MEPE: variants seen among roughly 807,000 people sequenced by gnomAD.
MEPE encodes the protein matrix extracellular phosphoglycoprotein.
A neutral mutation model predicts 7.3 loss-of-function variants in MEPE; 7 were observed. The ratio of observed to expected loss-of-function variants is 0.95; its 90% CI spans 0.54 to 1.79. The LOEUF (loss-of-function observed/expected upper bound fraction) is 1.79. Ranked by LOEUF, MEPE falls within the 40% of genes most tolerant of loss-of-function variation. MEPE has a pLI of 0.00. For synonymous variants in MEPE, 214 were observed against 213.1 expected (o/e 1.00, Z -0.04); for missense variants, 623 against 628.2 (o/e 0.99, Z 0.09).
intron 3 of MEPE, chr4:87,839,548 A>G (rs1722930010): frequency 1.6e-6 from 1 of 635,758 alleles, no homozygotes; most frequent in East Asian, 2.7e-5. Flanking sequence ...TCCTGTGGTT[A>G]TAAGAAGTAC....
Position 87,845,613 on chromosome 4 carries a change from G to T in MEPE, c.745G>T (p.Asp249Tyr). 1 of 1,613,754 alleles carries T rather than the reference G, an allele frequency of 6.2e-7. No individual in the cohort carries two copies. Among genetic ancestry groups the T allele is most frequent in the South Asian group, 1.1e-5 (1 of 90,960 alleles). The change falls in exon 4 of 4, where the codon GAC (aspartate) becomes TAC (tyrosine). Residue 249 changes from aspartate to tyrosine, a missense_variant. Asp to Tyr is a radical substitution (Grantham distance 160). Coordinates refer to ENST00000361056, the MANE Select transcript of MEPE (RefSeq NM_020203.6). ...SGYTDLQERG[D>Y]NDISPFSGDG... ...TTATACAGATCTTCAAGAGAGAGGGGACAATGATATATCTCCTTTCAGTGG... is the reference window on the plus strand; with the variant it reads ...TTATACAGATCTTCAAGAGAGAGGGTACAATGATATATCTCCTTTCAGTGG...
intron 2 of MEPE, among the ~76,000 whole-genome samples, chr4:87,836,161 AT>A (rs1280261366): frequency 6.6e-6 from 1 of 152,108 alleles, no homozygotes; most frequent in Non-Finnish European, 1.5e-5. Context: ...CATTTTAGTA[AT>A]TACCTGAATT....
At chr4:87,833,447 T>C (rs976089002) in intron 1 of MEPE, among the ~76,000 whole-genome samples, 41 of 152,330 alleles carry the variant, frequency 2.7e-4, no homozygotes, top group Admixed American at 2.6e-3. Flanking sequence ...GGGTAAACTA[T>C]AGTTAGAATT....
chr4:87,830,903 T>C (rs756360460), upstream of MEPE, among the ~76,000 whole-genome samples: 10 of 152,028 alleles, frequency 6.6e-5, no homozygotes, highest in Non-Finnish European at 1.2e-4. Context: ...TACTGTTTTG[T>C]TTGTGTTTTA....
chr4:87,838,806 C>A, intron 3 of MEPE, 121 bp downstream of exon 3: 2 of 793,878 alleles, frequency 2.5e-6, no homozygotes, highest in Non-Finnish European at 4.0e-6. Flanking sequence ...AAAAAATATA[C>A]AACATAATGT....
At chr4:87,841,055 C>G (rs1722995410) in intron 3 of MEPE, among the ~76,000 whole-genome samples, 2 of 152,172 alleles carry the variant, frequency 1.3e-5, no homozygotes, top group African/African-American at 2.4e-5. Flanking sequence ...TTCATGTTTT[C>G]ATTTATAAAA....
At chr4:87,840,451 C>A (rs1393761852) in intron 3 of MEPE, among the ~76,000 whole-genome samples, 1 of 152,142 alleles carries the variant, frequency 6.6e-6, no homozygotes, top group East Asian at 1.9e-4. Context: ...ATGTTATTTT[C>A]TTCTGCCATC....
chr4:87,838,139 C>T (rs1387883207), intron 2 of MEPE, among the ~76,000 whole-genome samples: 7 of 152,204 alleles, frequency 4.6e-5, no homozygotes, highest in African/African-American at 7.2e-5. Context: ...TATGGTTTGA[C>T]TCTCCCTGGG....
chr4:87,834,624 C>T (rs977910875), intron 1 of MEPE, 79 bp from the exon 2 acceptor site: 1 of 1,079,974 alleles, frequency 9.3e-7, no homozygotes, highest in Non-Finnish European at 1.4e-6. Context: ...TTATATATTC[C>T]TATGTGTTTT....
chr4:87,845,504 C>T lies in MEPE; in HGVS notation c.636C>T (p.Ser212=). ...QAQKSPVKSK[S]THRIQHNIDY... The stretch of plus-strand genomic sequence containing the variant: ...AGAAAAGTCCAGTAAAAAGCAAAAG[C>T]ACCCATCGTATTCAACACAACATTG... Residue 212 remains serine, a synonymous_variant, in exon 4 of 4, where the codon AGC becomes AGT. Transcript: ENST00000361056. The T allele has an allele frequency of 1.9e-6, 3 of 1,613,440 alleles. No homozygotes were observed. The highest frequency in any genetic ancestry group is 2.5e-6 in the Non-Finnish European group (3 of 1,179,864).
At chr4:87,821,458 G>A (rs926440462) in exon 1 of MEPE, 1 of 152,108 alleles carries the variant, frequency 6.6e-6, no homozygotes. Flanking sequence ...CCAGAAAGAG[G>A]AAAAGGTAGA....
Position 87,845,612 on chromosome 4 carries a change from G to A in MEPE, c.744G>A (p.Gly248=), listed in dbSNP as rs758543817. 6 of 1,613,682 alleles carry A rather than the reference G, an allele frequency of 3.7e-6. No individual in the cohort carries two copies. The highest frequency in any genetic ancestry group is 5.1e-6 in the Non-Finnish European group (6 of 1,179,902). The change falls in exon 4 of 4, where the codon GGG becomes GGA. Residue 248 remains glycine (G), a synonymous_variant. Transcript: ENST00000361056. ...GTTATACAGATCTTCAAGAGAGAGG[G>A]GACAATGATATATCTCCTTTCAGTG... ...GSGYTDLQER[G]DNDISPFSGD... is the part of the protein sequence containing the mutation.
intron 3 of MEPE, among the ~76,000 whole-genome samples, chr4:87,844,740 TCA>T (rs1723145125): frequency 1.3e-5 from 2 of 152,202 alleles, no homozygotes; most frequent in Admixed American, 1.3e-4. Context: ...TAAAATATTC[TCA>T]CAATTTCCCT....
At chr4:87,828,508 A>G (rs897204062), upstream of MEPE, among the ~76,000 whole-genome samples, 25 of 152,176 alleles carry the variant, frequency 1.6e-4, no homozygotes, top group African/African-American at 6.0e-4. Context: ...TTTAAAAAAA[A>G]ATGTATACCA....
chr4:87,837,815 T>A (rs146151191), intron 2 of MEPE: 5 of 152,304 alleles, frequency 3.3e-5, no homozygotes, highest in African/African-American at 1.2e-4. Context: ...TTACATCTAT[T>A]CCTTTAATAA....
intron 3 of MEPE, among the ~76,000 whole-genome samples, chr4:87,842,044 T>C (rs1379710466): frequency 2.0e-5 from 3 of 152,198 alleles, no homozygotes; most frequent in African/African-American, 4.8e-5. Context: ...TCATTTTTAT[T>C]TTACAGCTAA....
At chr4:87,822,624 A>C (rs1187525988) in intron 1 of MEPE, among the ~76,000 whole-genome samples, 1 of 152,240 alleles carries the variant, frequency 6.6e-6, no homozygotes, top group Non-Finnish European at 1.5e-5. Context: ...CAGAGAGGCC[A>C]GATGACAGAT....
rs1723152798 is a variant in MEPE at position 87,844,941 on chromosome 4, TA to T, written c.109-32del. 2.1e-6 allele frequency: 3 copies of T among 1,421,146 alleles called. 1 individual carries two copies. In the African/African-American group the frequency reaches 4.3e-5, roughly 21 times the overall value. 88.0% of individuals were successfully genotyped at this position (1,421,146 alleles called of 1,614,324 possible). On this transcript the variant is annotated intron_variant, in intron 3 of 3. Transcript: ENST00000361056. ...ATTATTATATTTTAAAAATTTTACA[TA>T]AAATAATCACTTCATATTGAAAATT...
At chr4:87,823,821 A>G (rs920020156) in intron 1 of MEPE, among the ~76,000 whole-genome samples, 2 of 152,230 alleles carry the variant, frequency 1.3e-5, no homozygotes, top group Non-Finnish European at 2.9e-5. Flanking sequence ...GTTAAAAAAA[A>G]GAATCAACAT....
Sources: allele counts gnomAD v4.1 joint callset (sites outside exome capture counted in the v4.1 genomes callset), GRCh38; gene constraint gnomAD v4.1.1; transcripts MANE v1.5; gene names NCBI Gene and HGNC (gene_info 2026-07-23, HGNC 2026-07-21).